SCML2: variants seen among roughly 807,000 people sequenced by gnomAD.
SCML2 encodes the protein sex comb on midleg-like protein 2.
A neutral mutation model predicts 48.4 loss-of-function variants in SCML2; 6 were observed. The observed-to-expected ratio is 0.12, with a 90% CI of 0.07 to 0.24. The LOEUF (loss-of-function observed/expected upper bound fraction) is 0.24, where lower values mean the gene tolerates loss of function less well. Ranked by LOEUF, SCML2 falls within the 10% of genes least tolerant of loss-of-function variation. The pLI is 1.00. For synonymous variants in SCML2, 181 were observed against 189.5 expected, an observed-to-expected ratio of 0.95 and a Z score of 0.37; for missense variants, 377 against 528.2, an observed-to-expected ratio of 0.71 and a Z score of 2.81.
intron 7 of SCML2, among the ~76,000 whole-genome samples, chrX:18,295,070 G>A: frequency 9.0e-6 from 1 of 111,092 alleles, no homozygotes; most frequent in South Asian, 3.9e-4. Flanking sequence ...CCACCACCAG[G>A]GGCTAAAGCA....
chrX:18,341,209 T>C, intron 1 of SCML2: 1 of 658,810 alleles, frequency 1.5e-6, no homozygotes, highest in South Asian at 2.8e-5. Context: ...AGGATTGTTT[T>C]AAGAAAATGG....
intron 7 of SCML2, among the ~76,000 whole-genome samples, chrX:18,286,186 T>C (rs1017685395): frequency 9.0e-6 from 1 of 111,510 alleles, no homozygotes; most frequent in African/African-American, 3.3e-5. Context: ...TCATTAAAAA[T>C]ACAAAATGTC....
At chrX:18,306,743 G>A in intron 6 of SCML2, among the ~76,000 whole-genome samples, 1 of 111,026 alleles carries the variant, frequency 9.0e-6, no homozygotes, top group Non-Finnish European at 1.9e-5. Flanking sequence ...TCATCACCCT[G>A]TATTTTTCTA....
chrX:18,255,985 C>CA (rs1336917224), intron 11 of SCML2, among the ~76,000 whole-genome samples: 2 of 111,940 alleles, frequency 1.8e-5, no homozygotes, highest in Non-Finnish European at 3.8e-5. Flanking sequence ...AAACCACTCC[C>CA]AAAAAACAAA....
chrX:18,319,624 T>C (rs1440978621), intron 6 of SCML2, among the ~76,000 whole-genome samples: 3 of 104,475 alleles, frequency 2.9e-5, no homozygotes, highest in African/African-American at 1.1e-4. Flanking sequence ...AAAAAAAACC[T>C]GCTGACACCT....
chrX:18,246,768 G>C lies in SCML2; in HGVS notation c.1631C>G (p.Ser544Cys). 8.3e-7 allele frequency: 1 copy of C among 1,205,957 alleles called. No homozygotes were observed. Among genetic ancestry groups the C allele is most frequent in the Non-Finnish European group, 1.1e-6 (1 of 890,841 alleles). Residue 544 changes from serine to cysteine, a missense_variant, in exon 13 of 15, where the codon TCT (serine) becomes TGT (cysteine). Physicochemically the swap from Ser to Cys is moderately radical, Grantham distance 112. Transcript: ENST00000251900. ...IPKEENLSEDSKSSSLNSGNY... is the reference protein window; with the variant it reads ...IPKEENLSEDCKSSSLNSGNY... ...TCCTGAATTTAGTGATGAGCTCTTA[G>C]AATCTTCTGAAAGATTCTCCTCTTT... is the stretch of plus-strand genomic sequence containing the variant.
At chrX:18,282,389 G>A (rs1238387145) in intron 7 of SCML2, among the ~76,000 whole-genome samples, 1 of 111,252 alleles carries the variant, frequency 9.0e-6, no homozygotes, top group Non-Finnish European at 1.9e-5. Context: ...TGTAATCCCA[G>A]CACTTTGGGA....
At chrX:18,270,374 T>C (rs192690699) in intron 7 of SCML2, among the ~76,000 whole-genome samples, 21 of 111,145 alleles carry the variant, frequency 1.9e-4, no homozygotes, top group African/African-American at 6.9e-4. Flanking sequence ...AGCAGGCTTT[T>C]CAAAGTCAAG....
At chrX:18,317,695 G>T (rs997581504) in intron 6 of SCML2, among the ~76,000 whole-genome samples, 1 of 109,507 alleles carries the variant, frequency 9.1e-6, no homozygotes, top group African/African-American at 3.3e-5. Flanking sequence ...TTAGCCGGGC[G>T]TGGTAGCAGG....
At chrX:18,256,541 C>T (rs1363966845) in intron 11 of SCML2, among the ~76,000 whole-genome samples, 1 of 111,682 alleles carries the variant, frequency 9.0e-6, no homozygotes, top group Non-Finnish European at 1.9e-5. Context: ...ACACGCTTTG[C>T]TAACTTCTGA....
chrX:18,241,637 T>C (rs1926267431), intron 14 of SCML2, among the ~76,000 whole-genome samples: 1 of 112,352 alleles, frequency 8.9e-6, no homozygotes, highest in Non-Finnish European at 1.9e-5. Context: ...TGACTTTAAA[T>C]ACTGTGTGTT....
intron 1 of SCML2, among the ~76,000 whole-genome samples, chrX:18,342,744 A>C (rs1930058330): frequency 9.0e-6 from 1 of 111,649 alleles, no homozygotes; most frequent in African/African-American, 3.3e-5. Context: ...GTTATACTAA[A>C]TCTAGCAGTT....
At chrX:18,293,801 GT>G (rs1320577222) in intron 7 of SCML2, among the ~76,000 whole-genome samples, 5 of 112,253 alleles carry the variant, frequency 4.5e-5, no homozygotes, top group African/African-American at 1.6e-4. Flanking sequence ...ACTGACAGCT[GT>G]ATTCTCAACA....
intron 6 of SCML2, among the ~76,000 whole-genome samples, chrX:18,305,573 T>C (rs1441365772): frequency 5.4e-5 from 6 of 111,714 alleles, no homozygotes; most frequent in Non-Finnish European, 1.1e-4. Flanking sequence ...ATGCTGGTGA[T>C]AGTAGTGGTT....
At chrX:18,274,773 A>C (rs775334715) in intron 7 of SCML2, among the ~76,000 whole-genome samples, 25 of 111,956 alleles carry the variant, frequency 2.2e-4, no homozygotes, top group Middle Eastern at 4.6e-3. Flanking sequence ...AGGGCACTTT[A>C]AAATTTAACC....
intron 8 of SCML2, among the ~76,000 whole-genome samples, chrX:18,261,239 C>A (rs1186591351): frequency 9.4e-6 from 1 of 106,351 alleles, no homozygotes; most frequent in East Asian, 2.9e-4. Flanking sequence ...CTCAAGGGAT[C>A]CTCCTACCTC....
rs773733891 is a variant in SCML2, at chrX:18,324,107, T to C, written c.163-14A>G. ...TGGAATCTGAGACTATATATATAAA[T>C]AAAATTTGGTTAAAATGCATCAACT... is the stretch of plus-strand genomic sequence containing the variant. On this transcript the variant is annotated splice_polypyrimidine_tract_variant and intron_variant, in intron 4 of 14. Transcript: ENST00000251900. 3.7e-6 allele frequency: 4 copies of C among 1,094,766 alleles called. No individual in the cohort carries two copies. The highest frequency in any genetic ancestry group is 2.5e-5 in the Admixed American group (1 of 40,816). The allele number at this position is 1,094,766 out of a possible 1,213,427, so 90.2% of individuals were successfully genotyped here.
chrX:18,247,727 A>G (rs73191503), intron 12 of SCML2, 42 bp downstream of exon 12: 54,991 of 978,699 alleles, frequency 0.056, 1,450 homozygotes, highest in Non-Finnish European at 0.071. Context: ...GGTAGCAGAG[A>G]AACATTTCTT....
Position 18,258,093 on chromosome X carries a change from A to G in SCML2, c.1224T>C (p.Thr408=). The G allele has an allele frequency of 8.3e-7, 1 of 1,211,311 alleles. No individual in the cohort carries two copies. The highest frequency in any genetic ancestry group is 1.1e-6 in the Non-Finnish European group (1 of 895,291). The change falls in exon 10 of 15, where the codon ACT becomes ACC. Residue 408 remains threonine, a synonymous_variant. Transcript: ENST00000251900. ...ACVDCALETK[T]VFGYLKPDNR... ...TATCTGGCTTCAGGTATCCAAAAAC[A>G]GTTTTAGTTTCAAGGGCACAATCCA...
Sources: allele counts gnomAD v4.1 joint callset (sites outside exome capture counted in the v4.1 genomes callset), GRCh38; gene constraint gnomAD v4.1.1; transcripts MANE v1.5; gene names NCBI Gene and HGNC (gene_info 2026-07-23, HGNC 2026-07-21).